Variants in ATG10 observed in about 807,000 individuals in gnomAD.
ATG10 encodes autophagy related 10.
In ATG10, 30 loss-of-function variants were observed where a neutral mutation model predicts 32.1. The ratio of observed to expected loss-of-function variants is 0.94; its 90% CI spans 0.70 to 1.27. The LOEUF (loss-of-function observed/expected upper bound fraction) is 1.27. Ranked by LOEUF, ATG10 falls within the 50% of genes most tolerant of loss-of-function variation. The pLI is 0.00. For synonymous variants in ATG10, 87 were observed against 91.5 expected (o/e 0.95, Z 0.28); for missense variants, 233 against 262.3 (o/e 0.89, Z 0.77).
intron 5 of ATG10, among the ~76,000 whole-genome samples, chr5:82,195,530 G>T (rs1243408886): frequency 1.3e-5 from 2 of 152,128 alleles, no homozygotes; most frequent in Non-Finnish European, 2.9e-5. Context: ...GAGTTTACGT[G>T]TGCTCCCATT....
intron 3 of ATG10, among the ~76,000 whole-genome samples, chr5:82,064,141 A>C (rs899733782): frequency 5.9e-5 from 9 of 152,186 alleles, no homozygotes; most frequent in African/African-American, 2.2e-4. Context: ...GTTTTGTGAT[A>C]ATTAATAAGT....
At chr5:82,117,798 G>T (rs933071068) in intron 3 of ATG10, among the ~76,000 whole-genome samples, 4 of 152,094 alleles carry the variant, frequency 2.6e-5, no homozygotes, top group Non-Finnish European at 4.4e-5. Flanking sequence ...GATTGAGAGA[G>T]AATATACTGA....
In ATG10 at chr5:82,197,441, T is replaced by A. The variant is rs937142304; in HGVS notation, c.453+18854T>A. Among the ~76,000 whole-genome samples, 38 of 141,680 alleles carry A rather than the reference T, an allele frequency of 2.7e-4. 2 individuals are homozygous for A. The highest frequency in any genetic ancestry group is 7.6e-5 in the Non-Finnish European group (5 of 66,012). 92.9% of individuals were successfully genotyped at this position (141,680 alleles called of 152,430 possible). A position where few individuals can be genotyped will look rare whatever the true frequency, so the allele number is the denominator to read the frequency against. On this transcript the variant is annotated intron_variant, in intron 5 of 7. Transcript: ENST00000282185. ...TCTAACCCTAACCAGCTTATCTATCTATCTATCTATCTGTCTATCTACCTA... is the reference window on the plus strand; with the variant it reads ...TCTAACCCTAACCAGCTTATCTATCAATCTATCTATCTGTCTATCTACCTA...
At chr5:82,222,246 A>C (rs956061899) in intron 5 of ATG10, among the ~76,000 whole-genome samples, 5 of 152,246 alleles carry the variant, frequency 3.3e-5, no homozygotes, top group Non-Finnish European at 7.3e-5. Flanking sequence ...ATAGTGATTA[A>C]GAGCCTTTGA....
chr5:82,057,724 A>G (rs1435211238), intron 2 of ATG10, among the ~76,000 whole-genome samples: 6 of 152,172 alleles, frequency 3.9e-5, no homozygotes, highest in Admixed American at 3.9e-4. Context: ...GGAACTGGCC[A>G]CAATTAGATG....
At chr5:82,158,570 G>A (rs1400287778) in intron 3 of ATG10, among the ~76,000 whole-genome samples, 1 of 152,056 alleles carries the variant, frequency 6.6e-6, no homozygotes, top group East Asian at 1.9e-4. Flanking sequence ...GGGAGGATAT[G>A]TGTAGATTAT....
At chr5:82,194,109 G>A (rs1330952314) in intron 5 of ATG10, among the ~76,000 whole-genome samples, 2 of 152,102 alleles carry the variant, frequency 1.3e-5, no homozygotes, top group African/African-American at 4.8e-5. Flanking sequence ...ACTAACTTGC[G>A]TTTCATACTG....
chr5:82,195,258 T>G (rs1294707699), intron 5 of ATG10, among the ~76,000 whole-genome samples: 1 of 152,202 alleles, frequency 6.6e-6, no homozygotes, highest in Non-Finnish European at 1.5e-5. Flanking sequence ...CAAACAATAC[T>G]CTATCCCCAG....
intron 2 of ATG10, among the ~76,000 whole-genome samples, chr5:81,993,379 T>TTTCTTTCCTTC (rs1561244261): frequency 1.7e-5 from 1 of 58,326 alleles, no homozygotes; most frequent in African/African-American, 1.1e-4. Flanking sequence ...TTTTCTTTTC[T>TTTCTTTCCTTC]TTTCTTTTCT....
intron 3 of ATG10, among the ~76,000 whole-genome samples, chr5:82,084,014 C>A (rs1008818065): frequency 6.6e-6 from 1 of 152,142 alleles, no homozygotes; most frequent in South Asian, 2.1e-4. Flanking sequence ...TTCAGACGAT[C>A]GGTAATAACA....
At chr5:82,170,750 A>T (rs1426955380) in intron 4 of ATG10, among the ~76,000 whole-genome samples, 2 of 152,114 alleles carry the variant, frequency 1.3e-5, no homozygotes, top group Non-Finnish European at 2.9e-5. Context: ...GTTCGAGACC[A>T]GCCTGGCCAA....
intron 5 of ATG10, among the ~76,000 whole-genome samples, chr5:82,230,594 G>T (rs960530422): frequency 6.6e-6 from 1 of 151,890 alleles, no homozygotes; most frequent in Non-Finnish European, 1.5e-5. Context: ...TTAGCCAGGT[G>T]TGGTGGCACG....
chr5:82,140,027 C>T (rs1451710010), intron 3 of ATG10, among the ~76,000 whole-genome samples: 1 of 125,850 alleles, frequency 7.9e-6, no homozygotes, highest in African/African-American at 3.1e-5. Flanking sequence ...AAGTGAGGAG[C>T]CCCTCTGCCC....
At chr5:82,161,696 A>AACACACACACACACACAC (rs60780834) in intron 3 of ATG10, among the ~76,000 whole-genome samples, 9,679 of 129,444 alleles carry the variant, frequency 0.075, 493 homozygotes, top group Non-Finnish European at 0.085. Flanking sequence ...TTAGAGAATA[A>AACACACACACACACACAC]ACACACACAC....
intron 5 of ATG10, among the ~76,000 whole-genome samples, chr5:82,218,840 T>G (rs1745805582): frequency 6.6e-6 from 1 of 152,202 alleles, no homozygotes; most frequent in African/African-American, 2.4e-5. Context: ...ATGGAAGACT[T>G]AAATCATTAA....
intron 3 of ATG10, among the ~76,000 whole-genome samples, chr5:82,124,460 C>A (rs1766178788): frequency 1.3e-5 from 2 of 151,856 alleles, no homozygotes; most frequent in South Asian, 4.2e-4. Flanking sequence ...GTCCCCCACC[C>A]CCAAACAGGA....
intron 3 of ATG10, among the ~76,000 whole-genome samples, chr5:82,142,258 T>G (rs1767181513): frequency 6.6e-6 from 1 of 152,166 alleles, no homozygotes; most frequent in South Asian, 2.1e-4. Context: ...GAAAATACAA[T>G]AAAATAATTC....
At position 82,064,633 on chromosome 5, in the gene ATG10, C is replaced by A. The variant is rs186526422; in HGVS notation, c.216+6031C>A. Among the ~76,000 whole-genome samples the A allele has an allele frequency of 1.6e-3, 236 of 152,140 alleles. 1 individual carries two copies. The highest frequency in any genetic ancestry group is 5.3e-3 in the African/African-American group (221 of 41,516). ...CCCCCAAAATAATACTTATCATGGT[C>A]AATTACTTCTATTACATACCAGTTC... On this transcript the variant is annotated intron_variant, in intron 3 of 7. Transcript: ENST00000282185.
chr5:82,180,621 C>G (rs549984336), intron 5 of ATG10, among the ~76,000 whole-genome samples: 1 of 152,066 alleles, frequency 6.6e-6, no homozygotes, highest in African/African-American at 2.4e-5. Context: ...TTGTAGAGTC[C>G]TTATCCACAA....
Sources: allele counts gnomAD v4.1 joint callset (sites outside exome capture counted in the v4.1 genomes callset), GRCh38; gene constraint gnomAD v4.1.1; transcripts MANE v1.5; gene names NCBI Gene and HGNC (gene_info 2026-07-23, HGNC 2026-07-21).